Variants in NCAPD3 observed in about 807,000 individuals in gnomAD.
NCAPD3 encodes the protein non-SMC condensin II complex subunit D3, also known as condensin-2 complex subunit D3.
A neutral mutation model predicts 182.9 loss-of-function variants in NCAPD3; 105 were observed. The ratio of observed to expected loss-of-function variants is 0.57; its 90% CI spans 0.49 to 0.68. The LOEUF is 0.68. Among genes scored for constraint, NCAPD3 ranks in the 30% least tolerant of loss-of-function variants. NCAPD3 has a pLI of 0.00. For missense variants in NCAPD3, 1,944 were observed against 1,837.0 expected, an observed-to-expected ratio of 1.06 and a Z score of -1.07; for synonymous variants, 815 against 679.9, an observed-to-expected ratio of 1.20 and a Z score of -3.09.
intron 28 of NCAPD3, among the ~76,000 whole-genome samples, chr11:134,161,576 C>T (rs920602641): frequency 3.3e-5 from 5 of 152,228 alleles, no homozygotes; most frequent in African/African-American, 1.2e-4. Context: ...CTTCACGGCC[C>T]TGGCTGCACA....
intron 24 of NCAPD3, among the ~76,000 whole-genome samples, chr11:134,170,423 A>C (rs1000249515): frequency 6.6e-6 from 1 of 152,234 alleles, no homozygotes; most frequent in African/African-American, 2.4e-5. Context: ...ACTTTGGTAA[A>C]CCATCTGTGA....
chr11:134,206,512 A>G (rs1348706173), intron 8 of NCAPD3, 87 bp downstream of exon 8: 1 of 1,529,610 alleles, frequency 6.5e-7, no homozygotes. Flanking sequence ...AGAAATTTTA[A>G]GTCTACATGT....
At chr11:134,215,668 T>C (rs1229006830) in intron 3 of NCAPD3, among the ~76,000 whole-genome samples, 1 of 152,146 alleles carries the variant, frequency 6.6e-6, no homozygotes, top group Non-Finnish European at 1.5e-5. Flanking sequence ...TGGAAAGACA[T>C]CCTGCGGCTA....
At chr11:134,176,499 C>T (rs1694161331) in intron 23 of NCAPD3, 113 bp from the exon 24 acceptor site, 3 of 788,220 alleles carry the variant, frequency 3.8e-6, no homozygotes, top group Non-Finnish European at 4.4e-6. Flanking sequence ...TGGCTGAGTG[C>T]ACAGGCACAC....
At position 134,158,377 on chromosome 11, in the gene NCAPD3, G is replaced by A. The variant is rs1565516705; in HGVS notation, c.3986C>T (p.Ser1329Phe). The A allele has an allele frequency of 5.0e-6, 8 of 1,614,248 alleles. No individual in the cohort carries two copies. The highest frequency in any genetic ancestry group is 1.3e-5 in the African/African-American group (1 of 75,068). ...RASAGHVAVS[S>F]PTPETGPLQR... ...CAATGGCCCTGTTTCAGGTGTAGGA[G>A]ATGATACTGCTACATGGCCAGCACT... Residue 1329 changes from serine to phenylalanine, a missense_variant, in exon 30 of 35, where the codon TCT becomes TTT. Ser to Phe is a radical substitution (Grantham distance 155). Transcript: ENST00000534548.
At chr11:134,196,164 T>C (rs142160294) in intron 13 of NCAPD3, among the ~76,000 whole-genome samples, 1 of 152,278 alleles carries the variant, frequency 6.6e-6, no homozygotes, top group East Asian at 1.9e-4. Context: ...GGGACATTAC[T>C]ACTATTAGCC....
At chr11:134,159,858 T>A (rs773327380) in intron 29 of NCAPD3, 34 bp downstream of exon 29, 2 of 1,593,754 alleles carry the variant, frequency 1.3e-6, no homozygotes, top group East Asian at 2.2e-5. Context: ...CAGACTGGAC[T>A]GTCTGGTCAC....
chr11:134,183,567 CAAAAAT>C (rs1388403923), intron 19 of NCAPD3, among the ~76,000 whole-genome samples: 2 of 151,976 alleles, frequency 1.3e-5, no homozygotes, highest in Non-Finnish European at 2.9e-5. Context: ...GACTCCATCT[CAAAAAT>C]AAAAATAAAA....
intron 17 of NCAPD3, 146 bp downstream of exon 17, chr11:134,185,189 A>G (rs969539478): frequency 1.1e-6 from 1 of 912,158 alleles, no homozygotes; most frequent in Non-Finnish European, 1.6e-6. Flanking sequence ...CATGATTCTT[A>G]TTTTTTTCAT....
At chr11:134,161,122 A>T (rs2120565458) in intron 28 of NCAPD3, among the ~76,000 whole-genome samples, 1 of 152,314 alleles carries the variant, frequency 6.6e-6, no homozygotes, top group South Asian at 2.1e-4. Flanking sequence ...TTGGAAAAAA[A>T]ATTGTAGCAT....
At chr11:134,207,594 T>A (rs1359314120) in intron 7 of NCAPD3, among the ~76,000 whole-genome samples, 1 of 151,922 alleles carries the variant, frequency 6.6e-6, no homozygotes, top group East Asian at 1.9e-4. Flanking sequence ...AATACAAAAA[T>A]TAGCTGGGCA....
At chr11:134,154,083 TTTC>T (rs1315399923) in intron 32 of NCAPD3, 4 of 152,468 alleles carry the variant, frequency 2.6e-5, no homozygotes, top group South Asian at 2.1e-4. Flanking sequence ...GACCCTCAGG[TTTC>T]TTCATCTCTT....
chr11:134,167,273 C>T (rs1943861501), intron 27 of NCAPD3, among the ~76,000 whole-genome samples: 1 of 136,240 alleles, frequency 7.3e-6, no homozygotes, highest in Admixed American at 7.8e-5. Flanking sequence ...GGGAGCAGCA[C>T]ACTCACTTGT....
intron 32 of NCAPD3, 46 bp from the exon 33 acceptor site, chr11:134,153,409 CGGA>C: frequency 6.3e-7 from 1 of 1,589,530 alleles, no homozygotes. Flanking sequence ...CGTGGTCTAT[CGGA>C]GGTCTCTGTT....
At position 134,185,391 on chromosome 11, in the gene NCAPD3, G is replaced by T; in HGVS notation, c.2181C>A (p.Gly727=). 6.2e-7 allele frequency: 1 copy of T among 1,614,016 alleles called. No homozygotes were observed. Among genetic ancestry groups the T allele is most frequent in the East Asian group, 2.2e-5 (1 of 44,868 alleles). Residue 727 remains glycine, a synonymous_variant, in exon 17 of 35, where the codon GGC becomes GGA. Transcript: ENST00000534548. Reference sequence around the variant, plus strand: ...TGCTGTAGTCCAGCCTGGGTGAGGAGCCAGCAATCTTGGAGAGCAGCATCC... The same window carrying T: ...TGCTGTAGTCCAGCCTGGGTGAGGATCCAGCAATCTTGGAGAGCAGCATCC... The part of the protein sequence containing the change: ...PAWMLLSKIA[G]SSPRLDYSRI...
intron 13 of NCAPD3, among the ~76,000 whole-genome samples, chr11:134,197,989 C>G (rs765259964): frequency 2.0e-5 from 3 of 152,148 alleles, no homozygotes; most frequent in Non-Finnish European, 2.9e-5. Context: ...GAAGTCTACT[C>G]TTTGACTTCT....
chr11:134,201,110 C>G (rs1361824070), intron 13 of NCAPD3, among the ~76,000 whole-genome samples: 1 of 151,656 alleles, frequency 6.6e-6, no homozygotes, highest in Admixed American at 6.6e-5. Context: ...CTGCAACCTC[C>G]ACCTCCTGGG....
At chr11:134,211,160 C>A (rs948070987) in intron 3 of NCAPD3, among the ~76,000 whole-genome samples, 1 of 152,156 alleles carries the variant, frequency 6.6e-6, no homozygotes, top group South Asian at 2.1e-4. Flanking sequence ...CAGTAGAGAC[C>A]TCAGAACAAA....
intron 24 of NCAPD3, among the ~76,000 whole-genome samples, chr11:134,174,544 T>TA (rs1185986439): frequency 1.3e-5 from 2 of 151,786 alleles, no homozygotes; most frequent in East Asian, 3.9e-4. Flanking sequence ...ATGTAAGAGT[T>TA]AAAAAAAGGG....
Sources: allele counts gnomAD v4.1 joint callset (sites outside exome capture counted in the v4.1 genomes callset), GRCh38; gene constraint gnomAD v4.1.1; transcripts MANE v1.5; gene names NCBI Gene and HGNC (gene_info 2026-07-23, HGNC 2026-07-21).